The following CACNA1C variants were observed in gnomAD, a reference collection of about 807,000 sequenced individuals.
The protein encoded by CACNA1C is voltage-dependent L-type calcium channel subunit alpha-1C.
CACNA1C carries 30 observed loss-of-function variants against 229.0 expected under a neutral mutation model. The ratio of observed to expected loss-of-function variants is 0.13; its 90% CI spans 0.10 to 0.18. The LOEUF (loss-of-function observed/expected upper bound fraction) is 0.18. CACNA1C is among the 10% of genes least tolerant of loss of function. The pLI, the probability that CACNA1C is intolerant of heterozygous loss-of-function variation, is 1.00. For missense variants in CACNA1C, 1,658 were observed against 2,845.0 expected, an observed-to-expected ratio of 0.58 and a Z score of 9.49; for synonymous variants, 1,114 against 1,132.5, an observed-to-expected ratio of 0.98 and a Z score of 0.33.
chr12:2,501,859 C>A (rs2239096), intron 7 of CACNA1C, among the ~76,000 whole-genome samples: 10,400 of 152,280 alleles, frequency 0.068, 1,203 homozygotes, highest in African/African-American at 0.23. Context: ...AACAGATGCT[C>A]TTTTGCTGGA....
rs1463159009 is a variant in CACNA1C, at chr12:2,665,641, T to G, written c.4459T>G (p.Ser1487Ala). The G allele has an allele frequency of 6.2e-7, 1 of 1,613,794 alleles. No individual in the cohort carries two copies. Among genetic ancestry groups the G allele is most frequent in the Non-Finnish European group, 8.5e-7 (1 of 1,179,748 alleles). The change falls in exon 36 of 47, where the codon TCC becomes GCC. Residue 1487 changes from serine (S) to alanine (A), a missense_variant. Ser to Ala is a moderately conservative substitution (Grantham distance 99). Transcript: ENST00000399655. This position sits in a 1 kb window ranked among gnomAD's most constrained non-coding sequence, Gnocchi z 5.9. ...CTTTGACTACCTGACAAGGGACTGGTCCATCCTTGGTCCCCACCACCTGGA... is the reference window on the plus strand; with the variant it reads ...CTTTGACTACCTGACAAGGGACTGGGCCATCCTTGGTCCCCACCACCTGGA... ...DNFDYLTRDW[S>A]ILGPHHLDEF...
intron 3 of CACNA1C, among the ~76,000 whole-genome samples, chr12:2,204,965 CAAA>C (rs1464010442): frequency 7.9e-5 from 12 of 151,130 alleles, no homozygotes; most frequent in Non-Finnish European, 1.8e-4. Context: ...TTAAAAAAAA[CAAA>C]AACAAAAAAA....
intron 1 of CACNA1C, among the ~76,000 whole-genome samples, chr12:2,022,463 CTTT>C (rs71057815): frequency 6.7e-5 from 9 of 133,598 alleles, no homozygotes; most frequent in Non-Finnish European, 1.1e-4. Flanking sequence ...CCCTAAGGAA[CTTT>C]TTTTTTTTTT....
intron 9 of CACNA1C, among the ~76,000 whole-genome samples, chr12:2,525,729 C>T (rs1451085008): frequency 6.6e-6 from 1 of 152,174 alleles, no homozygotes; most frequent in Admixed American, 6.5e-5. Flanking sequence ...ATGGCTCCAT[C>T]CTTCAGGATT....
chr12:2,147,164 G>T (rs74806198), intron 3 of CACNA1C, among the ~76,000 whole-genome samples: 1 of 151,010 alleles, frequency 6.6e-6, no homozygotes, highest in Non-Finnish European at 1.5e-5. Context: ...CACTGAGAGA[G>T]GGGGGGAACC....
rs555181590 is a variant in CACNA1C, at chr12:2,347,052, C to T, written c.478-101924C>T. On this transcript the variant is annotated intron_variant, in intron 3 of 46. Coordinates refer to ENST00000399655, the MANE Select transcript of CACNA1C (RefSeq NM_000719.7). ...TGCTCCTCTTTGTGTAGGATCACAC[C>T]GCAGTTTTAGCCTGTCTGAACTCTT... Among the ~76,000 whole-genome samples the T allele has an allele frequency of 3.9e-5, 6 of 152,228 alleles. 1 individual carries two copies. The East Asian group carries it at 7.7e-4, about 20-fold the overall frequency.
chr12:2,437,877 T>C (rs1463159165), intron 3 of CACNA1C, among the ~76,000 whole-genome samples: 1 of 149,458 alleles, frequency 6.7e-6, no homozygotes, highest in African/African-American at 2.5e-5. Flanking sequence ...GTGGTAATGG[T>C]GGTGGCGGTG....
intron 29 of CACNA1C, among the ~76,000 whole-genome samples, chr12:2,615,198 C>T (rs906975229): frequency 6.6e-6 from 1 of 152,194 alleles, no homozygotes. Context: ...GCACCCCACA[C>T]GAAGGTGCAG....
chr12:2,464,557 C>G (rs1443555541), intron 5 of CACNA1C, among the ~76,000 whole-genome samples: 1 of 152,234 alleles, frequency 6.6e-6, no homozygotes, highest in Non-Finnish European at 1.5e-5. Context: ...CTCATCGTCC[C>G]AGACTTCCCT....
Position 2,645,654 on chromosome 12 carries a change from C to T in CACNA1C, c.3913-2821C>T, listed in dbSNP as rs1299028139. 4.6e-5 allele frequency among the ~76,000 whole-genome samples: 7 copies of T among 152,140 alleles called. 1 individual carries two copies. Among genetic ancestry groups the T allele is most frequent in the Admixed American group, 4.6e-4 (7 of 15,266 alleles). On this transcript the variant is annotated intron_variant, in intron 30 of 46. Transcript: ENST00000399655. Reference sequence around the variant, plus strand: ...CAGGGCATCAGTAGACCTCGGGGGCCTTGGGGGCAGGGGCTGTGGCTTAGG... The same window carrying T: ...CAGGGCATCAGTAGACCTCGGGGGCTTTGGGGGCAGGGGCTGTGGCTTAGG...
At chr12:2,600,722 G>A (rs1555872838) in intron 21 of CACNA1C, among the ~76,000 whole-genome samples, 1 of 152,222 alleles carries the variant, frequency 6.6e-6, no homozygotes, top group African/African-American at 2.4e-5. Context: ...GTCATCTTGT[G>A]TGTTCTCTTT....
chr12:2,159,946 C>G (rs1418945076), intron 3 of CACNA1C, among the ~76,000 whole-genome samples: 1 of 152,156 alleles, frequency 6.6e-6, no homozygotes, highest in Non-Finnish European at 1.5e-5. Context: ...CTGTGTTGTC[C>G]ATTCATTTAT....
intron 3 of CACNA1C, among the ~76,000 whole-genome samples, chr12:2,277,358 G>GACAC (rs2088999806): frequency 9.6e-5 from 8 of 83,050 alleles, no homozygotes; most frequent in East Asian, 2.9e-4. Flanking sequence ...CAGACAGACA[G>GACAC]ACAGACACAC....
In CACNA1C at chr12:2,130,469, A is replaced by G. The variant is rs1341548858; in HGVS notation, c.477+10039A>G. On this transcript the variant is annotated intron_variant, in intron 3 of 46. Coordinates refer to ENST00000399655, the MANE Select transcript of CACNA1C (RefSeq NM_000719.7). ...CCCTCCCCCCTCCCCCCACCCCACC[A>G]CAGTCCCCAGAGTGTGATATTCCCT... Among the ~76,000 whole-genome samples the G allele has an allele frequency of 3.9e-5, 4 of 103,684 alleles. No homozygotes were observed. In the Admixed American group the frequency reaches 4.2e-4, roughly 11 times the overall value. The allele number at this position is 103,684 out of a possible 152,430, so 68.0% of individuals were successfully genotyped here.
chr12:2,261,386 G>T (rs2080160024), intron 3 of CACNA1C, among the ~76,000 whole-genome samples: 2 of 152,212 alleles, frequency 1.3e-5, no homozygotes, highest in African/African-American at 4.8e-5. Context: ...CTAGAAAACA[G>T]CTGGGTTCTC....
intron 1 of CACNA1C, among the ~76,000 whole-genome samples, chr12:2,083,859 C>A (rs948071708): frequency 1.3e-5 from 2 of 152,174 alleles, no homozygotes; most frequent in Non-Finnish European, 2.9e-5. Context: ...TTGGATCATT[C>A]ATTGAGCAAA....
chr12:2,234,287 T>C (rs1410152852), intron 3 of CACNA1C, among the ~76,000 whole-genome samples: 1 of 152,202 alleles, frequency 6.6e-6, no homozygotes, highest in Non-Finnish European at 1.5e-5. Context: ...GTCTTTTGTG[T>C]TCTGAACAAA....
Position 2,691,127 on chromosome 12 carries a change from CTGTGTG to C in CACNA1C, c.6346_6351del (p.Cys2116_Val2117del). 3 of 1,608,820 alleles carry C rather than the reference CTGTGTG, an allele frequency of 1.9e-6. No individual in the cohort carries two copies. The highest frequency in any genetic ancestry group is 1.7e-6 in the Non-Finnish European group (2 of 1,176,338). ...GAGCCGGGGGCGAAGAGGACGCGGG[CTGTGTG>C]CGCGCGCGGGGTCGACCGAGTGAGG... On this transcript the variant is annotated inframe_deletion, in exon 47 of 47. Coordinates refer to ENST00000399655, the MANE Select transcript of CACNA1C (RefSeq NM_000719.7).
intron 39 of CACNA1C, among the ~76,000 whole-genome samples, chr12:2,675,096 CTT>C (rs139383769): frequency 5.8e-4 from 89 of 152,256 alleles, no homozygotes; most frequent in Non-Finnish European, 1.1e-3. Flanking sequence ...AGCAGTGTTT[CTT>C]GACCCTATCA....
Sources: gnomAD v4.1 joint callset for allele counts (sites outside exome capture counted in the v4.1 genomes callset) on GRCh38, gnomAD v4.1.1 for gene constraint, Gnocchi (gnomAD v3.1) non-coding constraint, MANE v1.5 for transcripts, NCBI Gene and HGNC (gene_info 2026-07-23, HGNC 2026-07-21) for gene names.